Variants in CDKL3 observed in about 807,000 individuals in gnomAD.
CDKL3 encodes the protein cyclin dependent kinase like 3.
Under a neutral mutation model 69.3 loss-of-function variants are expected in CDKL3, and 65 were observed. The ratio of observed to expected loss-of-function variants is 0.94; its 90% CI spans 0.77 to 1.15. The LOEUF is 1.15. Among genes scored for constraint, CDKL3 ranks in the 50% most tolerant of loss-of-function variants. The pLI is 0.00. For missense variants in CDKL3, 652 were observed against 689.2 expected, an observed-to-expected ratio of 0.95 and a Z score of 0.61; for synonymous variants, 202 against 221.6, an observed-to-expected ratio of 0.91 and a Z score of 0.79.
rs186856872 is a variant in CDKL3 at position 134,350,346 on chromosome 5, G to A, written c.442C>T (p.Arg148Ter). 4.1e-5 allele frequency: 65 copies of A among 1,589,794 alleles called. No individual in the cohort carries two copies. In the East Asian group the frequency reaches 9.9e-4, roughly 24 times the overall value. ...ATGTCCCCAGGAGCTGCTAGTGTTC[G>A]TGCAAAACCAAAATCACAGAGCTTA... is the stretch of plus-strand genomic sequence containing the variant. The part of the protein sequence containing the change: ...ITKLCDFGFA[R>*]TLAAPGDIYT... The change falls in exon 4 of 13, where the codon CGA becomes TGA. Residue 148 changes from arginine to a stop codon, truncating the protein, a stop_gained. Coordinates refer to ENST00000265334, the MANE Select transcript of CDKL3 (RefSeq NM_001113575.2). LOFTEE classifies it high-confidence loss of function.
intron 8 of CDKL3, among the ~76,000 whole-genome samples, chr5:134,291,033 C>T (rs1233985886): frequency 6.6e-6 from 1 of 151,998 alleles, no homozygotes; most frequent in African/African-American, 2.4e-5. Flanking sequence ...GAAAATAGAG[C>T]TGAAAGGATG....
In CDKL3 at chr5:134,308,390, G is replaced by A. The variant is rs746148298; in HGVS notation, c.1112C>T (p.Ser371Leu). The A allele has an allele frequency of 3.2e-5, 52 of 1,613,456 alleles. No individual in the cohort carries two copies. The South Asian group carries it at 5.5e-4, about 17-fold the overall frequency. Residue 371 changes from serine to leucine, a missense_variant, in exon 9 of 13, where the codon TCA becomes TTA. Coordinates refer to ENST00000265334, the MANE Select transcript of CDKL3 (RefSeq NM_001113575.2). ...IKVKGGRGDI[S>L]EPKKKEYEGG... ...TTCATACTCTTTCTTTTTTGGTTCTGAGATATCTCCTCTTCCTCCTTTGAC... is the reference window on the plus strand; with the variant it reads ...TTCATACTCTTTCTTTTTTGGTTCTAAGATATCTCCTCTTCCTCCTTTGAC...
chr5:134,359,301 A>AAACC (rs1207446337), intron 3 of CDKL3, among the ~76,000 whole-genome samples: 1 of 152,178 alleles, frequency 6.6e-6, no homozygotes, highest in Non-Finnish European at 1.5e-5. Context: ...TCCATCTCAA[A>AAACC]AACCAACCAA....
At chr5:134,319,683 G>C (rs537179332) in intron 5 of CDKL3, among the ~76,000 whole-genome samples, 186 bp from the exon 6 acceptor site, 2 of 152,140 alleles carry the variant, frequency 1.3e-5, no homozygotes, top group Non-Finnish European at 2.9e-5. Context: ...CTGAGGTTTC[G>C]TCAGTTATCT....
intron 4 of CDKL3, among the ~76,000 whole-genome samples, chr5:134,335,547 G>A (rs1426006849): frequency 6.6e-6 from 1 of 152,110 alleles, no homozygotes; most frequent in Non-Finnish European, 1.5e-5. Flanking sequence ...GCATCTGCTT[G>A]TCTGGAAAGG....
chr5:134,302,898 A>ATTTAT (rs879870374), intron 11 of CDKL3, among the ~76,000 whole-genome samples: 22 of 152,130 alleles, frequency 1.4e-4, no homozygotes, highest in East Asian at 3.9e-4. Flanking sequence ...AAAATAAGAC[A>ATTTAT]TTTATTTTAT....
At chr5:134,355,288 C>T (rs182850039) in intron 3 of CDKL3, among the ~76,000 whole-genome samples, 2 of 147,138 alleles carry the variant, frequency 1.4e-5, no homozygotes, top group Admixed American at 1.4e-4. Flanking sequence ...ACAGAACTCA[C>T]AGTCAGTTGT....
chr5:134,323,000 G>T (rs1773197075), intron 4 of CDKL3, among the ~76,000 whole-genome samples: 1 of 151,586 alleles, frequency 6.6e-6, no homozygotes, highest in African/African-American at 2.4e-5. Flanking sequence ...AAAAATTGAT[G>T]AGGTAGGTCT....
intron 3 of CDKL3, among the ~76,000 whole-genome samples, chr5:134,354,648 A>T (rs996295204): frequency 2.6e-5 from 4 of 152,196 alleles, no homozygotes; most frequent in Non-Finnish European, 4.4e-5. Context: ...TAAAAAGCAC[A>T]TTAAGATACC....
chr5:134,285,128 C>T (rs868213273), downstream of CDKL3, among the ~76,000 whole-genome samples: 1 of 152,324 alleles, frequency 6.6e-6, no homozygotes, highest in South Asian at 2.1e-4. Context: ...GGGCCCCTGA[C>T]TTCCCGTAAC....
intron 5 of CDKL3, among the ~76,000 whole-genome samples, chr5:134,321,115 T>C (rs906223494): frequency 4.6e-5 from 7 of 150,566 alleles, no homozygotes; most frequent in African/African-American, 1.7e-4. Context: ...TTCAAGCAGT[T>C]CTCATGCCTC....
chr5:134,314,047 G>T lies in CDKL3; in HGVS notation c.793-1667C>A, dbSNP rs562192121. On this transcript the variant is annotated intron_variant, in intron 6 of 12. Transcript: ENST00000265334. ...GTAATCCCAGCCACTCGGAGGCTAA[G>T]GCGGAAGAATTGCTTGAACCCGGGA... Among the ~76,000 whole-genome samples, 44 of 152,262 alleles carry T rather than the reference G, an allele frequency of 2.9e-4. 1 individual carries two copies. The South Asian group carries it at 9.1e-3, about 32-fold the overall frequency.
chr5:134,358,164 T>C (rs1755070373), intron 3 of CDKL3, among the ~76,000 whole-genome samples: 1 of 152,210 alleles, frequency 6.6e-6, no homozygotes, highest in Non-Finnish European at 1.5e-5. Flanking sequence ...GTGGGTAAAT[T>C]TCAAGGTTCT....
At chr5:134,302,713 G>A (rs748454719) in intron 11 of CDKL3, 26 bp from the exon 12 acceptor site, 22 of 1,227,560 alleles carry the variant, frequency 1.8e-5, no homozygotes, top group Middle Eastern at 4.1e-4. Flanking sequence ...ACAAAACAAT[G>A]AAAATTTGTT....
At chr5:134,338,836 T>C (rs1749708901) in intron 4 of CDKL3, among the ~76,000 whole-genome samples, 1 of 151,964 alleles carries the variant, frequency 6.6e-6, no homozygotes, top group African/African-American at 2.4e-5. Context: ...AAATGGCAGA[T>C]GTAATTACAA....
chr5:134,363,709 C>T (rs1756632318), intron 2 of CDKL3, among the ~76,000 whole-genome samples: 1 of 152,070 alleles, frequency 6.6e-6, no homozygotes, highest in South Asian at 2.1e-4. Flanking sequence ...AATCCGCCCG[C>T]CTCGGCCTCC....
At chr5:134,357,378 A>C (rs1754879038) in intron 3 of CDKL3, among the ~76,000 whole-genome samples, 1 of 152,156 alleles carries the variant, frequency 6.6e-6, no homozygotes, top group East Asian at 1.9e-4. Flanking sequence ...CAGGAGAAGG[A>C]GGCTGCAGTG....
At chr5:134,371,522 C>A (rs1416437611), upstream of CDKL3, 78 of 1,560,754 alleles carry the variant, frequency 5.0e-5, no homozygotes, top group Non-Finnish European at 6.6e-5. Context: ...AGTGATTCGG[C>A]CGCCGCGCCG....
chr5:134,349,623 G>C (rs904894159), intron 4 of CDKL3, among the ~76,000 whole-genome samples: 2 of 152,186 alleles, frequency 1.3e-5, no homozygotes, highest in Non-Finnish European at 2.9e-5. Context: ...ATAAACAGAA[G>C]AGGGAACTCT....
Sources: gnomAD v4.1 joint callset for allele counts (sites outside exome capture counted in the v4.1 genomes callset) on GRCh38, gnomAD v4.1.1 for gene constraint, MANE v1.5 for transcripts, NCBI Gene and HGNC (gene_info 2026-07-23, HGNC 2026-07-21) for gene names.